Variants in PDE4D observed in about 807,000 individuals in gnomAD.
The protein encoded by PDE4D is 3',5'-cyclic-AMP phosphodiesterase 4D.
PDE4D carries 24 observed loss-of-function variants against 87.4 expected under a neutral mutation model. The observed-to-expected ratio is 0.27, with a 90% CI of 0.20 to 0.39. The LOEUF is 0.39. Among genes scored for constraint, PDE4D ranks in the 10% least tolerant of loss-of-function variants. The pLI is 1.00. For missense variants in PDE4D, 714 were observed against 1,041.0 expected (o/e 0.69, Z 4.32); for synonymous variants, 384 against 383.2 (o/e 1.00, Z -0.02).
chr5:59,305,044 T>A (rs186198899), intron 1 of PDE4D, among the ~76,000 whole-genome samples: 7 of 151,662 alleles, frequency 4.6e-5, no homozygotes, highest in Admixed American at 4.6e-4. Context: ...TTGTTGATAA[T>A]TTTTTAAGTA....
At chr5:60,117,785 C>A (rs558747927) in intron 2 of PDE4D, among the ~76,000 whole-genome samples, 2 of 151,776 alleles carry the variant, frequency 1.3e-5, no homozygotes, top group African/African-American at 4.8e-5. Flanking sequence ...CAGCTACCAA[C>A]CCTCTTTCCT....
At chr5:59,215,056 G>A (rs1750929698) in intron 2 of PDE4D, among the ~76,000 whole-genome samples, 1 of 152,114 alleles carries the variant, frequency 6.6e-6, no homozygotes, top group South Asian at 2.1e-4. Context: ...TGATAGTATA[G>A]GTATTGAGTG....
intron 1 of PDE4D, among the ~76,000 whole-genome samples, chr5:59,583,730 G>A (rs1824613857): frequency 6.6e-6 from 1 of 152,180 alleles, no homozygotes; most frequent in Non-Finnish European, 1.5e-5. Flanking sequence ...TAGGGCAGGT[G>A]GATGAGAGTA....
chr5:59,356,927 C>G (rs1049890890), intron 1 of PDE4D: 6 of 1,437,936 alleles, frequency 4.2e-6, no homozygotes, highest in Non-Finnish European at 5.4e-6. Flanking sequence ...AGGCCCCGCA[C>G]GGAGCAGGAG....
chr5:59,224,570 A>G (rs1335394197), intron 1 of PDE4D, among the ~76,000 whole-genome samples: 1 of 152,170 alleles, frequency 6.6e-6, no homozygotes, highest in Non-Finnish European at 1.5e-5. Context: ...TTTTTCTGAA[A>G]AGTATTTATT....
At chr5:60,351,072 G>A (rs1219908790) in intron 1 of PDE4D, among the ~76,000 whole-genome samples, 2 of 152,094 alleles carry the variant, frequency 1.3e-5, no homozygotes, top group Non-Finnish European at 2.9e-5. Flanking sequence ...GGCATTTTTG[G>A]CAGTATTCTC....
chr5:60,426,603 C>G (rs2150103029), intron 1 of PDE4D, among the ~76,000 whole-genome samples: 1 of 152,116 alleles, frequency 6.6e-6, no homozygotes, highest in Admixed American at 6.5e-5. Context: ...ATGGGTGAAG[C>G]AAACCAACAT....
chr5:59,332,499 C>T (rs1231711177), intron 1 of PDE4D, among the ~76,000 whole-genome samples: 1 of 152,118 alleles, frequency 6.6e-6, no homozygotes, highest in Non-Finnish European at 1.5e-5. Flanking sequence ...CCAAGATTTA[C>T]TCTGTATTTG....
chr5:60,088,773 C>T (rs1774803405), intron 2 of PDE4D, among the ~76,000 whole-genome samples: 1 of 151,734 alleles, frequency 6.6e-6, no homozygotes, highest in Non-Finnish European at 1.5e-5. Flanking sequence ...TACAAAACAA[C>T]CAGAAAACAA....
At position 58,974,427 on chromosome 5, in the gene PDE4D, C is replaced by G; in HGVS notation, c.*237G>C. ...TATCTGCTTTGTCAGCTCTACCAAGCTGAAATCTTGTTAAAAACGCTGTTC... is the reference window on the plus strand; with the variant it reads ...TATCTGCTTTGTCAGCTCTACCAAGGTGAAATCTTGTTAAAAACGCTGTTC... On this transcript the variant is annotated 3_prime_UTR_variant, in exon 15 of 15. Transcript: ENST00000340635. The G allele has an allele frequency of 2.9e-6, 1 of 348,450 alleles. No homozygotes were observed. The highest frequency in any genetic ancestry group is 5.2e-6 in the Non-Finnish European group (1 of 193,334). 21.6% of individuals were successfully genotyped at this position (348,450 alleles called of 1,614,324 possible).
At chr5:59,705,995 T>C (rs1362941) in intron 1 of PDE4D, among the ~76,000 whole-genome samples, 26,715 of 152,148 alleles carry the variant, frequency 0.18, 3,092 homozygotes, top group South Asian at 0.26. Context: ...ATATAAATTC[T>C]GGAGATTAAA....
At chr5:59,181,826 T>C (rs1357869773) in intron 4 of PDE4D, among the ~76,000 whole-genome samples, 1 of 152,172 alleles carries the variant, frequency 6.6e-6, no homozygotes, top group Admixed American at 6.5e-5. Flanking sequence ...CTAGGGTCTA[T>C]GCTCTGCTTT....
intron 1 of PDE4D, among the ~76,000 whole-genome samples, chr5:59,888,094 G>A (rs1327539694): frequency 6.6e-6 from 1 of 152,208 alleles, no homozygotes; most frequent in African/African-American, 2.4e-5. Context: ...TTAAGCCTCA[G>A]TCCCTTCTCT....
chr5:60,102,233 T>C (rs1481961706), intron 2 of PDE4D, among the ~76,000 whole-genome samples: 2 of 152,084 alleles, frequency 1.3e-5, no homozygotes, highest in Non-Finnish European at 2.9e-5. Context: ...TTGTTTTTTG[T>C]TTTTTTGCTT....
chr5:59,353,070 A>G (rs1415617477), intron 1 of PDE4D, among the ~76,000 whole-genome samples: 4 of 152,150 alleles, frequency 2.6e-5, no homozygotes, highest in Admixed American at 2.0e-4. Flanking sequence ...CCTACATTCA[A>G]ATGTACCTTG....
chr5:59,146,660 AT>A (rs1178919110), intron 5 of PDE4D, among the ~76,000 whole-genome samples: 1 of 151,858 alleles, frequency 6.6e-6, no homozygotes, highest in Non-Finnish European at 1.5e-5. Context: ...AGTTCTTCTT[AT>A]TCTGATTCTG....
At chr5:60,488,849 T>G (rs890871179), upstream of PDE4D, among the ~76,000 whole-genome samples, 13 of 152,164 alleles carry the variant, frequency 8.5e-5, no homozygotes, top group African/African-American at 3.1e-4. Flanking sequence ...TCTTTGACAC[T>G]TAGACCACAT....
intron 1 of PDE4D, among the ~76,000 whole-genome samples, chr5:59,656,285 TA>T (rs1744346332): frequency 6.6e-6 from 1 of 152,052 alleles, no homozygotes. Flanking sequence ...AACTCACATA[TA>T]TACACACTCA....
chr5:59,522,081 TA>T (rs1434457649), intron 1 of PDE4D, among the ~76,000 whole-genome samples: 1 of 152,208 alleles, frequency 6.6e-6, no homozygotes, highest in Admixed American at 6.5e-5. Context: ...TTCACAAATT[TA>T]AAAAATACAG....
Sources: allele counts gnomAD v4.1 joint callset (sites outside exome capture counted in the v4.1 genomes callset), GRCh38; gene constraint gnomAD v4.1.1; transcripts MANE v1.5; gene names NCBI Gene and HGNC (gene_info 2026-07-23, HGNC 2026-07-21).